Variants in UGT1A3 observed in about 807,000 individuals in gnomAD.
UGT1A3 encodes UDP glucuronosyltransferase family 1 member A3, also known as UDP-glucuronosyltransferase 1A3.
A neutral mutation model predicts 41.0 loss-of-function variants in UGT1A3; 31 were observed. The ratio of observed to expected loss-of-function variants is 0.76; its 90% CI spans 0.57 to 1.02. UGT1A3 has a LOEUF of 1.02. Ranked by LOEUF, UGT1A3 falls within the 50% of genes least tolerant of loss-of-function variation. UGT1A3 has a pLI of 0.00. For synonymous variants in UGT1A3, 262 were observed against 257.6 expected, an observed-to-expected ratio of 1.02 and a Z score of -0.17; for missense variants, 737 against 671.0, an observed-to-expected ratio of 1.10 and a Z score of -1.09.
chr2:233,755,990 C>G (rs1406862229), intron 1 of UGT1A3: 1 of 152,186 alleles, frequency 6.6e-6, no homozygotes, highest in East Asian at 1.9e-4. Context: ...CTCATGTCAG[C>G]TTCTGCATTC....
Position 233,737,047 on chromosome 2 carries a change from C to G in UGT1A3, c.867+7054C>G, listed in dbSNP as rs559935020. On this transcript the variant is annotated intron_variant, in intron 1 of 4. Coordinates refer to ENST00000482026, the MANE Select transcript of UGT1A3 (RefSeq NM_019093.4). ...CCATTCTCAGAGCTCAAATGCCATA[C>G]TAGGAGAACGAGTGCTCTCTTCAGA... Among the ~76,000 whole-genome samples the G allele has an allele frequency of 2.6e-4, 39 of 152,330 alleles. No homozygotes were observed. In the South Asian group the frequency reaches 7.7e-3, roughly 30 times the overall value.
At chr2:233,768,984 TC>T (rs551747473) in intron 4 of UGT1A3, among the ~76,000 whole-genome samples, 141 of 152,252 alleles carry the variant, frequency 9.3e-4, no homozygotes, top group African/African-American at 3.3e-3. Context: ...GAATTTTATT[TC>T]CCCCATTAGA....
chr2:233,729,561 C>A lies in UGT1A3; in HGVS notation c.435C>A (p.Ser145=), dbSNP rs760200392. ...EALIRHLNAT[S]FDVVLTDPVN... ...TGATCAGGCACCTGAATGCTACTTC[C>A]TTTGATGTGGTTTTAACAGACCCCG... Residue 145 remains serine (S), a synonymous_variant, in exon 1 of 5, where the codon TCC becomes TCA. Transcript: ENST00000482026. The A allele has an allele frequency of 1.9e-6, 3 of 1,614,102 alleles. No individual in the cohort carries two copies. The highest frequency in any genetic ancestry group is 2.5e-6 in the Non-Finnish European group (3 of 1,180,024).
At chr2:233,768,032 T>A in intron 3 of UGT1A3, 96 bp downstream of exon 3, 1 of 1,612,548 alleles carries the variant, frequency 6.2e-7, no homozygotes, top group Non-Finnish European at 8.5e-7. Flanking sequence ...AGCTTGAAAA[T>A]ATTATGGCCA....
At position 233,754,943 on chromosome 2, in the gene UGT1A3, T is replaced by C. The variant is rs746665032; in HGVS notation, c.868-12091T>C. 5.3e-6 allele frequency: 7 copies of C among 1,332,236 alleles called. No individual in the cohort carries two copies. The African/African-American group carries it at 1.0e-4, about 20-fold the overall frequency. The allele number at this position is 1,332,236 out of a possible 1,614,324, so 82.5% of individuals were successfully genotyped here. The stretch of plus-strand genomic sequence containing the variant: ...GGTTTCCCAAGAGGTCAAAGGAGAA[T>C]GGGTCCCGGCCGCCAAAGAACTCCC... On this transcript the variant is annotated intron_variant, in intron 1 of 4. Transcript: ENST00000482026.
chr2:233,755,767 T>C (rs1575738311), intron 1 of UGT1A3: 1 of 152,920 alleles, frequency 6.5e-6, no homozygotes, highest in African/African-American at 2.4e-5. Context: ...CTTTTGTTCA[T>C]CTGGATTATG....
At position 233,729,852 on chromosome 2, in the gene UGT1A3, G is replaced by A. The variant is rs774381589; in HGVS notation, c.726G>A (p.Glu242=). Residue 242 remains glutamate, a synonymous_variant, in exon 1 of 5, where the codon GAG becomes GAA. Transcript: ENST00000482026. ...TTGCCTCTGAGCTTTTTCAGAGAGAGGTGTCAGTGGTGGATATTCTCAGTC... is the reference window on the plus strand; with the variant it reads ...TTGCCTCTGAGCTTTTTCAGAGAGAAGTGTCAGTGGTGGATATTCTCAGTC... ...ASLASELFQR[E]VSVVDILSHA... The A allele has an allele frequency of 4.3e-6, 7 of 1,613,776 alleles. No homozygotes were observed. In the African/African-American group the frequency reaches 9.3e-5, roughly 22 times the overall value.
intron 1 of UGT1A3, chr2:233,760,565 T>C (rs2125985983): frequency 6.2e-7 from 1 of 1,614,264 alleles, no homozygotes; most frequent in Non-Finnish European, 8.5e-7. Context: ...GAGTCTTTTG[T>C]TAGTCTCGGG....
In UGT1A3 at chr2:233,769,373, C is replaced by T. The variant is rs1030548501; in HGVS notation, c.1307+934C>T. On this transcript the variant is annotated intron_variant, in intron 4 of 4. Coordinates refer to ENST00000482026, the MANE Select transcript of UGT1A3 (RefSeq NM_019093.4). The surrounding 1 kb of genome is among the most constrained non-coding windows in gnomAD (Gnocchi z 4.4). The stretch of plus-strand genomic sequence containing the variant: ...AGAAGTGGTGGCCAGTGGTAGATTT[C>T]ATCCGACAATAGATACTGTGTGCAT... Among the ~76,000 whole-genome samples, 1 of 152,206 alleles carries T rather than the reference C, an allele frequency of 6.6e-6. No individual in the cohort carries two copies. The highest frequency in any genetic ancestry group is 2.4e-5 in the African/African-American group (1 of 41,452).
At chr2:233,751,618 G>A (rs1295625249) in intron 1 of UGT1A3, among the ~76,000 whole-genome samples, 1 of 152,174 alleles carries the variant, frequency 6.6e-6, no homozygotes, top group East Asian at 1.9e-4. Context: ...GAGGTGATTG[G>A]ATCATGTGTG....
intron 3 of UGT1A3, 135 bp downstream of exon 3, chr2:233,768,071 G>C: frequency 6.3e-7 from 1 of 1,595,002 alleles, no homozygotes; most frequent in Admixed American, 1.8e-5. Context: ...TTTATCTAGT[G>C]GGGTATCTCA....
At chr2:233,744,144 C>G (rs1446501937) in intron 1 of UGT1A3, 4 of 335,984 alleles carry the variant, frequency 1.2e-5, no homozygotes, top group Non-Finnish European at 2.3e-5. Context: ...CTGTGATGCT[C>G]CAAGACCAGG....
intron 1 of UGT1A3, among the ~76,000 whole-genome samples, chr2:233,759,387 C>A (rs1697125901): frequency 6.6e-6 from 1 of 152,128 alleles, no homozygotes. Context: ...TCAGGATACT[C>A]AGAGTAACCG....
chr2:233,743,217 C>A, intron 1 of UGT1A3: 2 of 409,784 alleles, frequency 4.9e-6, no homozygotes, highest in Non-Finnish European at 9.6e-6. Context: ...AGTAACTGCT[C>A]TTTGCTATTT....
chr2:233,737,993 C>T (rs1690655503), intron 1 of UGT1A3, among the ~76,000 whole-genome samples: 1 of 151,916 alleles, frequency 6.6e-6, no homozygotes, highest in African/African-American at 2.4e-5. Flanking sequence ...GCTCTGTGTC[C>T]CCCACCAAAT....
chr2:233,760,276 A>C (rs1040602725), intron 1 of UGT1A3: 1 of 1,612,488 alleles, frequency 6.2e-7, no homozygotes, highest in Non-Finnish European at 8.5e-7. Flanking sequence ...CTCTGGCAGG[A>C]GCAAAGGCGC....
In UGT1A3 at chr2:233,729,232, A is replaced by G; in HGVS notation, c.106A>G (p.Ile36Val). The change falls in exon 1 of 5, where the codon ATT becomes GTT. Residue 36 changes from isoleucine to valine, a missense_variant. Ile to Val is a conservative substitution (Grantham distance 29, BLOSUM62 3). Transcript: ENST00000482026. ...GAGTGGAAAGGTGTTGGTGGTGCCCATTGATGGCAGCCACTGGCTCAGCAT... is the reference window on the plus strand; with the variant it reads ...GAGTGGAAAGGTGTTGGTGGTGCCCGTTGATGGCAGCCACTGGCTCAGCAT... ...AESGKVLVVPIDGSHWLSMRE... is the reference protein window; with the variant it reads ...AESGKVLVVPVDGSHWLSMRE... The G allele has an allele frequency of 6.2e-7, 1 of 1,614,202 alleles. No individual in the cohort carries two copies.
chr2:233,757,568 A>ATATATATATATATATATATATG, intron 1 of UGT1A3, among the ~76,000 whole-genome samples: 1 of 142,136 alleles, frequency 7.0e-6, no homozygotes, highest in Non-Finnish European at 1.5e-5. Context: ...ATATGTATAT[A>ATATATATATATATATATATATG]TGATATAGCT....
At chr2:233,747,940 T>C in intron 1 of UGT1A3, 1 of 1,613,178 alleles carries the variant, frequency 6.2e-7, no homozygotes, top group Non-Finnish European at 8.5e-7. Flanking sequence ...CAGAGGGAGG[T>C]GTCAGTGGTG....
Sources: gnomAD v4.1 joint callset for allele counts (sites outside exome capture counted in the v4.1 genomes callset) on GRCh38, gnomAD v4.1.1 for gene constraint, Gnocchi (gnomAD v3.1) non-coding constraint, MANE v1.5 for transcripts, NCBI Gene and HGNC (gene_info 2026-07-23, HGNC 2026-07-21) for gene names.